Variants in CYP11A1 observed in about 807,000 individuals in gnomAD.
CYP11A1 encodes the protein cholesterol side-chain cleavage enzyme, mitochondrial.
CYP11A1 carries 25 observed loss-of-function variants against 51.9 expected under a neutral mutation model. The ratio of observed to expected loss-of-function variants is 0.48; its 90% CI spans 0.35 to 0.67. The LOEUF (loss-of-function observed/expected upper bound fraction) is 0.67, where lower values mean the gene tolerates loss of function less well. Among genes scored for constraint, CYP11A1 ranks in the 30% least tolerant of loss-of-function variants. CYP11A1 has a pLI of 0.00. For synonymous variants in CYP11A1, 245 were observed against 262.1 expected (o/e 0.93, Z 0.63); for missense variants, 578 against 680.9 (o/e 0.85, Z 1.68).
In CYP11A1 at chr15:74,345,934, T is replaced by G. The variant is rs1462701443; in HGVS notation, c.426-691A>C. On this transcript the variant is annotated intron_variant, in intron 2 of 8. Coordinates refer to ENST00000268053, the MANE Select transcript of CYP11A1 (RefSeq NM_000781.3). The surrounding 1 kb of genome is among the most constrained non-coding windows in gnomAD (Gnocchi z 4.3). ...TTGCCCTCCTGGTCCTTCCACATCC[T>G]TTGTTCCCTTCTAAGGAGACCACCC... Among the ~76,000 whole-genome samples the G allele has an allele frequency of 6.6e-6, 1 of 152,228 alleles. No homozygotes were observed. The highest frequency in any genetic ancestry group is 1.5e-5 in the Non-Finnish European group (1 of 68,040).
chr15:74,361,519 G>T (rs1017554178), intron 1 of CYP11A1: 7 of 600,908 alleles, frequency 1.2e-5, no homozygotes, highest in Non-Finnish European at 2.2e-5. Flanking sequence ...TGCAGATGCC[G>T]TCACTGCCAC....
intron 5 of CYP11A1, among the ~76,000 whole-genome samples, chr15:74,342,733 G>A (rs1220342057): frequency 6.6e-6 from 1 of 152,252 alleles, no homozygotes; most frequent in African/African-American, 2.4e-5. Context: ...CACCATGCCC[G>A]GCCACTCCTC....
chr15:74,361,663 C>A, intron 1 of CYP11A1: 1 of 1,208,958 alleles, frequency 8.3e-7, no homozygotes, highest in South Asian at 1.2e-5. Context: ...AACTTTCATG[C>A]TCTGAGCACT....
intron 1 of CYP11A1, chr15:74,365,745 C>G (rs2060729242): frequency 2.0e-6 from 2 of 985,406 alleles, no homozygotes; most frequent in South Asian, 4.7e-5. Context: ...CTCCGGTGGG[C>G]TCGGGTGAGC....
intron 1 of CYP11A1, among the ~76,000 whole-genome samples, chr15:74,358,858 C>T (rs1262988052): frequency 2.0e-5 from 3 of 152,162 alleles, no homozygotes; most frequent in Non-Finnish European, 4.4e-5. Flanking sequence ...CTTCATACCC[C>T]TTACCGTCTT....
rs1316904697 is a variant in CYP11A1, at chr15:74,360,472, G to A, written c.269+6845C>T. Among the ~76,000 whole-genome samples the A allele has an allele frequency of 2.0e-5, 3 of 151,854 alleles. No homozygotes were observed. In the East Asian group the frequency reaches 5.8e-4, roughly 30 times the overall value. Reference sequence around the variant, plus strand: ...ATTTTTTATTATTATTTTTAGTAGAGATGGGGTTTTACCATCTTGGCTAGG... The same window carrying A: ...ATTTTTTATTATTATTTTTAGTAGAAATGGGGTTTTACCATCTTGGCTAGG... On this transcript the variant is annotated intron_variant, in intron 1 of 8. Transcript: ENST00000268053.
At chr15:74,344,862 G>A in intron 3 of CYP11A1, 182 bp downstream of exon 3, 1 of 685,316 alleles carries the variant, frequency 1.5e-6, no homozygotes, top group Admixed American at 2.1e-5. Context: ...GTCTCACTCT[G>A]TTGCCCAGGG....
chr15:74,366,045 C>G, intron 1 of CYP11A1: 1 of 985,740 alleles, frequency 1.0e-6, no homozygotes, highest in Non-Finnish European at 1.2e-6. Context: ...AAACGCGGGT[C>G]GACCCGGGGG....
rs751255184 is a variant in CYP11A1 at position 74,345,264 on chromosome 15, A to G, written c.426-21T>C. ...ACTTCCTGAGAAAACATGGGCCCAC[A>G]AGCCCTCATGGTCACAGACCCCAGG... On this transcript the variant is annotated intron_variant, in intron 2 of 8. Transcript: ENST00000268053. This position sits in a 1 kb window ranked among gnomAD's most constrained non-coding sequence, Gnocchi z 4.3. 3 of 1,613,494 alleles carry G rather than the reference A, an allele frequency of 1.9e-6. No individual in the cohort carries two copies. Among genetic ancestry groups the G allele is most frequent in the Non-Finnish European group, 2.5e-6 (3 of 1,179,658 alleles).
At chr15:74,355,644 A>AC (rs1320182202) in intron 1 of CYP11A1, among the ~76,000 whole-genome samples, 1 of 149,578 alleles carries the variant, frequency 6.7e-6, no homozygotes, top group Admixed American at 6.7e-5. Flanking sequence ...TCCTTCTATC[A>AC]CCCCCTCTCC....
intron 1 of CYP11A1, among the ~76,000 whole-genome samples, chr15:74,359,077 CCTT>C (rs992243545): frequency 2.0e-5 from 3 of 152,220 alleles, no homozygotes; most frequent in African/African-American, 7.2e-5. Flanking sequence ...CTGTTTTTCT[CCTT>C]CTCTTATTCA....
At chr15:74,360,318 T>C (rs2060701730) in intron 1 of CYP11A1, among the ~76,000 whole-genome samples, 2 of 151,982 alleles carry the variant, frequency 1.3e-5, no homozygotes, top group South Asian at 4.2e-4. Context: ...TCTCACTCTG[T>C]CCCCCAGGCT....
At chr15:74,360,549 G>T (rs1266989466) in intron 1 of CYP11A1, among the ~76,000 whole-genome samples, 1 of 151,072 alleles carries the variant, frequency 6.6e-6, no homozygotes, top group African/African-American at 2.4e-5. Context: ...CTCCCAAAGT[G>T]CTGGGATTAC....
intron 1 of CYP11A1, among the ~76,000 whole-genome samples, chr15:74,360,543 C>G (rs1209493479): frequency 6.6e-6 from 1 of 151,526 alleles, no homozygotes. Context: ...CTCGGCCTCC[C>G]AAAGTGCTGG....
chr15:74,367,503 C>G lies in CYP11A1; in HGVS notation c.83G>C (p.Gly28Ala). ...CTCGCCAGTGGGCACCCTGAGACGC[C>G]CCAGCCCCTCCCTGGGGGCACTCAG... ...TFLSAPREGL[G>A]RLRVPTGEGA... is the part of the protein sequence containing the mutation. Residue 28 changes from glycine (G) to alanine (A), a missense_variant, in exon 1 of 9, where the codon GGG (glycine) becomes GCG (alanine). Transcript: ENST00000268053. The G allele has an allele frequency of 6.2e-7, 1 of 1,614,152 alleles. No homozygotes were observed. The highest frequency in any genetic ancestry group is 1.3e-5 in the African/African-American group (1 of 75,050).
chr15:74,366,469 T>TTTA (rs2060734270), intron 1 of CYP11A1, among the ~76,000 whole-genome samples: 1 of 146,762 alleles, frequency 6.8e-6, no homozygotes, highest in South Asian at 2.2e-4. Context: ...ATTTTATTTA[T>TTTA]TTATTTATTT....
intron 1 of CYP11A1, among the ~76,000 whole-genome samples, chr15:74,353,534 C>T (rs1306068633): frequency 1.3e-5 from 2 of 152,038 alleles, no homozygotes; most frequent in Non-Finnish European, 2.9e-5. Context: ...TGGTCATACG[C>T]CTAAAGTGAA....
Position 74,339,765 on chromosome 15 carries a change from T to G in CYP11A1, c.991-12A>C. 1 of 1,613,582 alleles carries G rather than the reference T, an allele frequency of 6.2e-7. No homozygotes were observed. Among genetic ancestry groups the G allele is most frequent in the Non-Finnish European group, 8.5e-7 (1 of 1,179,934 alleles). On this transcript the variant is annotated splice_polypyrimidine_tract_variant and intron_variant, in intron 5 of 8. Coordinates refer to ENST00000268053, the MANE Select transcript of CYP11A1 (RefSeq NM_000781.3). ...AGGGTCATGGACGTCTGGTGGGGAGTAGGGTATACAGAAGACCAGGAGGGC... is the reference window on the plus strand; with the variant it reads ...AGGGTCATGGACGTCTGGTGGGGAGGAGGGTATACAGAAGACCAGGAGGGC...
intron 4 of CYP11A1, among the ~76,000 whole-genome samples, chr15:74,343,441 C>G (rs1316231005): frequency 6.6e-6 from 1 of 152,192 alleles, no homozygotes; most frequent in Non-Finnish European, 1.5e-5. Flanking sequence ...CATACCCTGA[C>G]GAGCCTTCTC....
Sources: allele counts gnomAD v4.1 joint callset (sites outside exome capture counted in the v4.1 genomes callset), GRCh38; gene constraint gnomAD v4.1.1; non-coding constraint Gnocchi (gnomAD v3.1); transcripts MANE v1.5; gene names NCBI Gene and HGNC (gene_info 2026-07-23, HGNC 2026-07-21).